Variants in EPHA5 observed in about 807,000 individuals in gnomAD.
The protein encoded by EPHA5 is ephrin type-A receptor 5.
In EPHA5, 60 loss-of-function variants were observed where a neutral mutation model predicts 105.0. The ratio of observed to expected loss-of-function variants is 0.57; its 90% CI spans 0.46 to 0.71. The LOEUF (loss-of-function observed/expected upper bound fraction) is 0.71. EPHA5 is among the 30% of genes least tolerant of loss of function. The pLI is 0.00. For missense variants in EPHA5, 1,218 were observed against 1,274.7 expected (o/e 0.96, Z 0.68); for synonymous variants, 513 against 449.1 (o/e 1.14, Z -1.80).
intron 6 of EPHA5, among the ~76,000 whole-genome samples, chr4:65,415,865 C>G (rs1431538456): frequency 1.3e-5 from 2 of 152,046 alleles, no homozygotes; most frequent in East Asian, 3.9e-4. Context: ...CAAATAATTT[C>G]TTAATGTGTT....
intron 2 of EPHA5, among the ~76,000 whole-genome samples, chr4:65,610,307 T>C (rs1239175380): frequency 1.3e-5 from 2 of 152,006 alleles, no homozygotes; most frequent in African/African-American, 2.4e-5. Context: ...CATGTTCTCA[T>C]TTAAACACTG....
intron 8 of EPHA5, among the ~76,000 whole-genome samples, chr4:65,390,612 G>C (rs1720618866): frequency 6.6e-6 from 1 of 151,942 alleles, no homozygotes; most frequent in Non-Finnish European, 1.5e-5. Flanking sequence ...CAACCATCAT[G>C]GGTATGCAGA....
In EPHA5 at chr4:65,320,226, T is replaced by G. The variant is rs1425112588; in HGVS notation, c.*3888A>C. ...ATAATTAACAGCACAATAGAGAAAA[T>G]TATTCAATGTAAACAGCTGTGCTAC... On this transcript the variant is annotated 3_prime_UTR_variant, in exon 17 of 17. Coordinates refer to ENST00000613740, the MANE Select transcript of EPHA5 (RefSeq NM_001281766.3). 1 of 229,930 alleles carries G rather than the reference T, an allele frequency of 4.3e-6. No individual in the cohort carries two copies. Among genetic ancestry groups the G allele is most frequent in the Non-Finnish European group, 8.6e-6 (1 of 115,990 alleles). The allele number at this position is 229,930 out of a possible 1,614,324, so 14.2% of individuals were successfully genotyped here. A position where few individuals can be genotyped will look rare whatever the true frequency, so the allele number is the denominator to read the frequency against.
At chr4:65,358,560 C>A (rs573172663) in intron 11 of EPHA5, among the ~76,000 whole-genome samples, 99 of 151,444 alleles carry the variant, frequency 6.5e-4, no homozygotes, top group Non-Finnish European at 1.3e-3. Context: ...AATGGTCAAC[C>A]AGAAAATAGG....
At chr4:65,468,950 G>A (rs181871924) in intron 5 of EPHA5, among the ~76,000 whole-genome samples, 7 of 152,010 alleles carry the variant, frequency 4.6e-5, no homozygotes, top group Admixed American at 4.6e-4. Context: ...GAGTTCCATG[G>A]GGAAGTCTGT....
intron 7 of EPHA5, among the ~76,000 whole-genome samples, chr4:65,410,525 G>A (rs1055743833): frequency 4.6e-5 from 7 of 152,054 alleles, no homozygotes; most frequent in African/African-American, 1.7e-4. Context: ...ACACAAACTT[G>A]TACAAGTGAC....
At position 65,488,885 on chromosome 4, in the gene EPHA5, A is replaced by ATTTTTTTT. The variant is rs5858962; in HGVS notation, c.1402+1484_1402+1491dup. Among the ~76,000 whole-genome samples, 8 of 117,766 alleles carry ATTTTTTTT rather than the reference A, an allele frequency of 6.8e-5. 1 individual carries two copies. The highest frequency in any genetic ancestry group is 2.0e-4 in the Admixed American group (2 of 9,822). 77.3% of individuals were successfully genotyped at this position (117,766 alleles called of 152,430 possible). ...ATCAACTCTGAACTCAGCTGCATGC[A>ATTTTTTTT]TTTTTTTTTTTTTTTTTTGAGACGG... On this transcript the variant is annotated intron_variant, in intron 5 of 16. Transcript: ENST00000613740.
rs1170212571 is a variant in EPHA5, at chr4:65,385,975, A to G, written c.1793+18399T>C. On this transcript the variant is annotated intron_variant, in intron 8 of 16. Transcript: ENST00000613740. ...TATTTAGTACATGCTACATGTAGAA[A>G]CCTATAAGATTTTTGGAGGAGAGTG... Among the ~76,000 whole-genome samples, 3 of 152,030 alleles carry G rather than the reference A, an allele frequency of 2.0e-5. No individual in the cohort carries two copies. The East Asian group carries it at 5.8e-4, about 29-fold the overall frequency.
chr4:65,342,029 C>A (rs1045823295), intron 14 of EPHA5, among the ~76,000 whole-genome samples: 1 of 152,074 alleles, frequency 6.6e-6, no homozygotes, highest in South Asian at 2.1e-4. Flanking sequence ...GTGCATCAAT[C>A]TTAGATCAGT....
At position 65,567,941 on chromosome 4, in the gene EPHA5, CA is replaced by C. The variant is rs369778883; in HGVS notation, c.910+33699del. On this transcript the variant is annotated intron_variant, in intron 3 of 16. Transcript: ENST00000613740. ...CCTATTCTTTGAATTTTTTTTTCTT[CA>C]GGGGCAATAAATTATTGGCTACTTT... Among the ~76,000 whole-genome samples the C allele has an allele frequency of 6.4e-3, 972 of 151,056 alleles. 13 individuals are homozygous for C. The highest frequency in any genetic ancestry group is 0.022 in the African/African-American group (925 of 41,328).
chr4:65,449,115 A>C (rs76644421), intron 5 of EPHA5, among the ~76,000 whole-genome samples: 4,848 of 152,230 alleles, frequency 0.032, 203 homozygotes, highest in East Asian at 0.19. Context: ...AAAAACAATA[A>C]AAATTACTAC....
intron 1 of EPHA5, among the ~76,000 whole-genome samples, chr4:65,663,773 T>A (rs189330195): frequency 2.5e-4 from 38 of 152,106 alleles, no homozygotes; most frequent in African/African-American, 8.2e-4. Flanking sequence ...ATAATTGCAA[T>A]GAATAAAACT....
chr4:65,449,673 C>A (rs1430615417), intron 5 of EPHA5, among the ~76,000 whole-genome samples: 1 of 152,010 alleles, frequency 6.6e-6, no homozygotes, highest in Non-Finnish European at 1.5e-5. Context: ...TGAAGTTGAC[C>A]TTTGCAAAAA....
At chr4:65,501,404 T>C (rs1732473671) in intron 3 of EPHA5, among the ~76,000 whole-genome samples, 1 of 151,454 alleles carries the variant, frequency 6.6e-6, no homozygotes, top group Admixed American at 6.6e-5. Context: ...ATGACATCAG[T>C]AAACCTTCAG....
chr4:65,331,362 A>G (rs561185606), intron 16 of EPHA5: 10 of 1,040,072 alleles, frequency 9.6e-6, no homozygotes, highest in Non-Finnish European at 1.2e-5. Context: ...ATAAGGTTTG[A>G]TAAATTTTAT....
chr4:65,514,480 G>A (rs1020037739), intron 3 of EPHA5, among the ~76,000 whole-genome samples: 11 of 152,092 alleles, frequency 7.2e-5, no homozygotes, highest in African/African-American at 2.7e-4. Context: ...CCCAGCTAAG[G>A]CCCCGACCAA....
chr4:65,594,513 T>C lies in EPHA5; in HGVS notation c.910+7128A>G, dbSNP rs565451063. ...AAAGATGAGGTATAGCATTTGCCTG[T>C]TACATTTATTCTAAACTAAAAATAT... On this transcript the variant is annotated intron_variant, in intron 3 of 16. Coordinates refer to ENST00000613740, the MANE Select transcript of EPHA5 (RefSeq NM_001281766.3). 2.4e-4 allele frequency among the ~76,000 whole-genome samples: 36 copies of C among 152,314 alleles called. No homozygotes were observed. In the South Asian group the frequency reaches 7.2e-3, roughly 31 times the overall value.
intron 14 of EPHA5, 116 bp from the exon 15 acceptor site, chr4:65,336,241 AACT>A: frequency 1.5e-6 from 1 of 664,808 alleles, no homozygotes; most frequent in African/African-American, 1.9e-5. Flanking sequence ...TTGCAATAAC[AACT>A]AGCATTACTG....
chr4:65,487,675 G>A (rs1314710802), intron 5 of EPHA5, among the ~76,000 whole-genome samples: 1 of 152,032 alleles, frequency 6.6e-6, no homozygotes, highest in East Asian at 1.9e-4. Context: ...AGCTTCTTAT[G>A]ATTTCATCCC....
Sources: allele counts gnomAD v4.1 joint callset (sites outside exome capture counted in the v4.1 genomes callset), GRCh38; gene constraint gnomAD v4.1.1; transcripts MANE v1.5; gene names NCBI Gene and HGNC (gene_info 2026-07-23, HGNC 2026-07-21).